NAA25: variants seen among roughly 807,000 people sequenced by gnomAD.
The protein encoded by NAA25 is N-alpha-acetyltransferase 25, NatB auxiliary subunit.
NAA25 carries 30 observed loss-of-function variants against 132.5 expected under a neutral mutation model. The observed-to-expected ratio is 0.23, with a 90% CI of 0.17 to 0.31. The LOEUF (loss-of-function observed/expected upper bound fraction) is 0.31, where lower values mean the gene tolerates loss of function less well. Ranked by LOEUF, NAA25 falls within the 10% of genes least tolerant of loss-of-function variation. NAA25 has a pLI of 1.00. For synonymous variants in NAA25, 359 were observed against 401.9 expected, an observed-to-expected ratio of 0.89 and a Z score of 1.28; for missense variants, 771 against 1,150.4, an observed-to-expected ratio of 0.67 and a Z score of 4.77.
In NAA25 at chr12:112,049,997, G is replaced by C. The variant is rs900982820; in HGVS notation, c.1729-1554C>G. Among the ~76,000 whole-genome samples, 2 of 149,544 alleles carry C rather than the reference G, an allele frequency of 1.3e-5. No homozygotes were observed. The highest frequency in any genetic ancestry group is 2.0e-4 in the East Asian group (1 of 5,076). On this transcript the variant is annotated intron_variant, in intron 15 of 23. Coordinates refer to ENST00000261745, the MANE Select transcript of NAA25 (RefSeq NM_024953.4). This position sits in a 1 kb window ranked among gnomAD's most constrained non-coding sequence, Gnocchi z 4.7. Reference sequence around the variant, plus strand: ...TAAGGAGGGAACCCAGCCTTACCAAGTGTAGAGGCAGTTTTAATTTCTAAG... The same window carrying C: ...TAAGGAGGGAACCCAGCCTTACCAACTGTAGAGGCAGTTTTAATTTCTAAG...
intron 17 of NAA25, among the ~76,000 whole-genome samples, chr12:112,046,589 AAGC>A (rs2078384471): frequency 6.6e-6 from 1 of 152,214 alleles, no homozygotes; most frequent in African/African-American, 2.4e-5. Flanking sequence ...ACTTTCCTAG[AAGC>A]AGATCTGCCA....
intron 11 of NAA25, among the ~76,000 whole-genome samples, chr12:112,068,029 C>T (rs2136876666): frequency 6.6e-6 from 1 of 152,264 alleles, no homozygotes; most frequent in South Asian, 2.1e-4. Flanking sequence ...TAAGCCACCA[C>T]ACCCAGCCTC....
chr12:112,095,460 T>G (rs751320758), intron 1 of NAA25, among the ~76,000 whole-genome samples: 22 of 151,066 alleles, frequency 1.5e-4, no homozygotes, highest in Non-Finnish European at 1.9e-4. Context: ...TTAAAAAAAT[T>G]TGTCAGGTAC....
intron 11 of NAA25, among the ~76,000 whole-genome samples, chr12:112,064,952 T>C (rs926543892): frequency 1.3e-5 from 2 of 152,146 alleles, no homozygotes; most frequent in Non-Finnish European, 2.9e-5. Context: ...GAGAATTGCT[T>C]GAACCCAGGA....
intron 1 of NAA25, among the ~76,000 whole-genome samples, chr12:112,107,753 CTT>C (rs2079383941): frequency 6.6e-6 from 1 of 152,150 alleles, no homozygotes. Flanking sequence ...GACCTTGAAG[CTT>C]CCTCACCATT....
Position 112,039,356 on chromosome 12 carries a change from C to T in NAA25, c.2539-17G>A. ...AGAAATAGTCTGAAAGGAAAAATTG[C>T]AAATTCACCAATAAGGATTACACTA... On this transcript the variant is annotated splice_polypyrimidine_tract_variant and intron_variant, in intron 21 of 23. Coordinates refer to ENST00000261745, the MANE Select transcript of NAA25 (RefSeq NM_024953.4). The T allele has an allele frequency of 7.0e-7, 1 of 1,427,970 alleles. No individual in the cohort carries two copies. The highest frequency in any genetic ancestry group is 9.8e-7 in the Non-Finnish European group (1 of 1,021,826). 88.5% of individuals were successfully genotyped at this position (1,427,970 alleles called of 1,614,324 possible). A position where few individuals can be genotyped will look rare whatever the true frequency, so the allele number is the denominator to read the frequency against.
intron 9 of NAA25, among the ~76,000 whole-genome samples, chr12:112,073,261 TACAC>T (rs34053629): frequency 4.0e-4 from 59 of 148,774 alleles, no homozygotes; most frequent in Admixed American, 1.3e-3. Flanking sequence ...AAAAATTAAA[TACAC>T]ACACACACAC....
chr12:112,081,984 C>T (rs189352588), intron 4 of NAA25, among the ~76,000 whole-genome samples: 4 of 152,274 alleles, frequency 2.6e-5, no homozygotes, highest in Admixed American at 2.6e-4. Context: ...GGCGCAATGG[C>T]TCATGCCTGT....
At chr12:112,054,358 T>C (rs1182264257) in intron 14 of NAA25, 30 bp downstream of exon 14, 5 of 1,597,366 alleles carry the variant, frequency 3.1e-6, no homozygotes, top group Middle Eastern at 1.7e-4. Flanking sequence ...TATAGCTGGC[T>C]GCTCATTATT....
rs1336005091 is a variant in NAA25, at chr12:112,027,953, G to C, written c.*1578C>G. On this transcript the variant is annotated 3_prime_UTR_variant, in exon 24 of 24. Transcript: ENST00000261745. Reference sequence around the variant, plus strand: ...CAAAAATAAATTTTTGAAATTAGTTGATGGACTAGGATTTCCAACAAGCCT... The same window carrying C: ...CAAAAATAAATTTTTGAAATTAGTTCATGGACTAGGATTTCCAACAAGCCT... 1 of 152,196 alleles carries C rather than the reference G, an allele frequency of 6.6e-6. No homozygotes were observed. Among genetic ancestry groups the C allele is most frequent in the African/African-American group, 2.4e-5 (1 of 41,450 alleles). 9.4% of individuals were successfully genotyped at this position (152,196 alleles called of 1,614,324 possible).
At chr12:112,043,510 G>A (rs1257116752) in intron 18 of NAA25, 115 bp downstream of exon 18, 2 of 1,194,500 alleles carry the variant, frequency 1.7e-6, no homozygotes, top group African/African-American at 3.1e-5. Flanking sequence ...TCCTGCAGAA[G>A]CCATAAACTG....
chr12:112,071,748 G>C, intron 10 of NAA25, 147 bp downstream of exon 10: 1 of 529,140 alleles, frequency 1.9e-6, no homozygotes, highest in Non-Finnish European at 3.2e-6. Flanking sequence ...AATTTTATAA[G>C]TGATCCATTC....
Position 112,090,771 on chromosome 12 carries a change from T to G in NAA25, c.238A>C (p.Asn80His). 6.2e-7 allele frequency: 1 copy of G among 1,614,044 alleles called. No individual in the cohort carries two copies. Among genetic ancestry groups the G allele is most frequent in the South Asian group, 1.1e-5 (1 of 91,072 alleles). The change falls in exon 3 of 24, where the codon AAC becomes CAC. Residue 80 changes from asparagine (N) to histidine (H), a missense_variant. Coordinates refer to ENST00000261745, the MANE Select transcript of NAA25 (RefSeq NM_024953.4). Reference protein sequence around the residue: ...EVAALEPTDDNSLQALTILYR... With the variant: ...EVAALEPTDDHSLQALTILYR... Reference sequence around the variant, plus strand: ...AGGATAGTCAGTGCCTGCAGTGAGTTGTCATCTGTGGGTTCAAGGGCTGCC... The same window carrying G: ...AGGATAGTCAGTGCCTGCAGTGAGTGGTCATCTGTGGGTTCAAGGGCTGCC...
At chr12:112,098,865 T>C (rs2079252029) in intron 1 of NAA25, among the ~76,000 whole-genome samples, 1 of 152,104 alleles carries the variant, frequency 6.6e-6, no homozygotes, top group African/African-American at 2.4e-5. Flanking sequence ...TCAACTGGGA[T>C]TGTGCTAAGA....
intron 1 of NAA25, among the ~76,000 whole-genome samples, chr12:112,101,957 C>A (rs1375484388): frequency 6.6e-6 from 1 of 151,194 alleles, no homozygotes; most frequent in African/African-American, 2.4e-5. Context: ...TCCTCCACCT[C>A]CTGGGTTCAA....
intron 13 of NAA25, among the ~76,000 whole-genome samples, chr12:112,058,321 A>G (rs2078576725): frequency 1.3e-5 from 2 of 152,238 alleles, no homozygotes; most frequent in African/African-American, 4.8e-5. Flanking sequence ...TTTCAAAGAG[A>G]GGCAACATGA....
At chr12:112,105,830 A>C (rs1166207861) in intron 1 of NAA25, among the ~76,000 whole-genome samples, 1 of 152,224 alleles carries the variant, frequency 6.6e-6, no homozygotes, top group African/African-American at 2.4e-5. Flanking sequence ...GAGCAAGTTA[A>C]TCTCTAGGCT....
chr12:112,039,702 T>A (rs1230074941), intron 21 of NAA25: 1 of 172,060 alleles, frequency 5.8e-6, no homozygotes, highest in African/African-American at 2.4e-5. Context: ...AAAGGTTCTT[T>A]ACAATATGCC....
intron 15 of NAA25, among the ~76,000 whole-genome samples, chr12:112,051,887 G>A (rs777177655): frequency 3.9e-5 from 6 of 152,156 alleles, no homozygotes; most frequent in Non-Finnish European, 8.8e-5. Context: ...TAATTCTGAT[G>A]TATATAAAGT....
Sources: gnomAD v4.1 joint callset for allele counts (sites outside exome capture counted in the v4.1 genomes callset) on GRCh38, gnomAD v4.1.1 for gene constraint, Gnocchi (gnomAD v3.1) non-coding constraint, MANE v1.5 for transcripts, NCBI Gene and HGNC (gene_info 2026-07-23, HGNC 2026-07-21) for gene names.